Variants in SEM1 observed in about 807,000 individuals in gnomAD.
SEM1 encodes the protein 26S proteasome complex subunit SEM1.
A neutral mutation model predicts 12.7 loss-of-function variants in SEM1; 3 were observed. That is an observed-to-expected ratio of 0.24 (90% CI 0.11 to 0.61). SEM1 has a LOEUF of 0.61. Ranked by LOEUF, SEM1 falls within the 20% of genes least tolerant of loss-of-function variation. The pLI, the probability that SEM1 is intolerant of heterozygous loss-of-function variation, is 0.88. For missense variants in SEM1, 59 were observed against 81.3 expected (o/e 0.73, Z 1.06); for synonymous variants, 30 against 27.8 (o/e 1.08, Z -0.25).
chr7:96,603,793 T>C (rs1413448160), intron 2 of SEM1, among the ~76,000 whole-genome samples: 4 of 152,140 alleles, frequency 2.6e-5, no homozygotes, highest in Non-Finnish European at 1.5e-5. Flanking sequence ...TACATAAATG[T>C]GTTTAGGTAA....
chr7:96,641,225 AG>A (rs1351412987), intron 2 of SEM1, among the ~76,000 whole-genome samples: 11 of 151,970 alleles, frequency 7.2e-5, no homozygotes, highest in South Asian at 6.2e-4. Context: ...TCATAGTTTT[AG>A]CTGTATTTAT....
chr7:96,587,197 A>G (rs1417117772), intron 2 of SEM1, among the ~76,000 whole-genome samples: 1 of 152,208 alleles, frequency 6.6e-6, no homozygotes, highest in East Asian at 1.9e-4. Flanking sequence ...AGAAATGGTA[A>G]TGTTTAGGTA....
At chr7:96,683,886 G>A (rs1253835039), downstream of SEM1, among the ~76,000 whole-genome samples, 1 of 152,034 alleles carries the variant, frequency 6.6e-6, no homozygotes, top group Non-Finnish European at 1.5e-5. Context: ...AGGGGGTGGC[G>A]GACTAGGGGA....
At chr7:96,488,135 T>A (rs1269047963) in intron 1 of SEM1, among the ~76,000 whole-genome samples, 1 of 152,142 alleles carries the variant, frequency 6.6e-6, no homozygotes, top group African/African-American at 2.4e-5. Context: ...GAGCATGGTC[T>A]TCTTAATCCA....
intron 2 of SEM1, among the ~76,000 whole-genome samples, chr7:96,631,613 C>A (rs1448886849): frequency 6.6e-6 from 1 of 152,124 alleles, no homozygotes; most frequent in Non-Finnish European, 1.5e-5. Context: ...AGAAGAAAAC[C>A]TGGGCAATAC....
chr7:96,494,602 A>G (rs1803165283), intron 1 of SEM1, among the ~76,000 whole-genome samples: 1 of 152,186 alleles, frequency 6.6e-6, no homozygotes, highest in African/African-American at 2.4e-5. Context: ...CTCCTCTTAG[A>G]TTAGGACATG....
intron 2 of SEM1, among the ~76,000 whole-genome samples, chr7:96,616,804 T>C (rs1445776248): frequency 6.6e-6 from 1 of 152,132 alleles, no homozygotes; most frequent in East Asian, 1.9e-4. Context: ...TTGAATAGTA[T>C]GTCATATCAC....
intron 2 of SEM1, among the ~76,000 whole-genome samples, chr7:96,572,679 G>T (rs150375074): frequency 0.045 from 6,886 of 152,220 alleles, 222 homozygotes; most frequent in South Asian, 0.091. Context: ...TTTTGCATTT[G>T]CTGAGAAGTG....
chr7:96,597,092 T>A (rs139927549), intron 2 of SEM1, among the ~76,000 whole-genome samples: 1 of 152,316 alleles, frequency 6.6e-6, no homozygotes, highest in African/African-American at 2.4e-5. Context: ...ATCCTTGTAA[T>A]GCTATGGCTA....
At chr7:96,585,725 A>G (rs137856151) in intron 2 of SEM1, among the ~76,000 whole-genome samples, 4,072 of 141,800 alleles carry the variant, frequency 0.029, 169 homozygotes, top group African/African-American at 0.1. Flanking sequence ...GAGTGACCCG[A>G]TTTTCCAGGT....
chr7:96,623,499 T>G (rs1184536771), intron 2 of SEM1, among the ~76,000 whole-genome samples: 1 of 147,720 alleles, frequency 6.8e-6, no homozygotes, highest in Non-Finnish European at 1.5e-5. Context: ...AATAGATAAA[T>G]TTGTATAAAT....
At chr7:96,573,188 C>T (rs1280156013) in intron 2 of SEM1, among the ~76,000 whole-genome samples, 1 of 151,230 alleles carries the variant, frequency 6.6e-6, no homozygotes, top group African/African-American at 2.4e-5. Flanking sequence ...TGCCTTTGCA[C>T]ATGACATGTG....
At chr7:96,565,276 G>T (rs1584767754) in intron 2 of SEM1, among the ~76,000 whole-genome samples, 1 of 151,866 alleles carries the variant, frequency 6.6e-6, no homozygotes, top group East Asian at 1.9e-4. Context: ...TTTGGATTTT[G>T]GTGGAGAAAG....
intron 1 of SEM1, among the ~76,000 whole-genome samples, chr7:96,489,804 C>T (rs1429860563): frequency 1.3e-5 from 2 of 152,210 alleles, no homozygotes; most frequent in African/African-American, 4.8e-5. Flanking sequence ...TCCGCCTTCA[C>T]ATGCACATGG....
At chr7:96,607,017 T>C (rs999131197) in intron 2 of SEM1, among the ~76,000 whole-genome samples, 2 of 152,204 alleles carry the variant, frequency 1.3e-5, no homozygotes, top group African/African-American at 4.8e-5. Flanking sequence ...GGCACTAATT[T>C]ATGGTGTTTA....
intron 2 of SEM1, among the ~76,000 whole-genome samples, chr7:96,513,604 A>G (rs538098176): frequency 6.6e-6 from 1 of 151,984 alleles, no homozygotes; most frequent in African/African-American, 2.4e-5. Context: ...TGAGGTGGGC[A>G]GATCACTTGA....
intron 2 of SEM1, among the ~76,000 whole-genome samples, chr7:96,660,801 A>G (rs1227099711): frequency 6.6e-6 from 1 of 152,166 alleles, no homozygotes; most frequent in Non-Finnish European, 1.5e-5. Context: ...ATTTATGAAA[A>G]CTGACCAAAT....
chr7:96,557,754 T>G (rs897478478), intron 2 of SEM1, among the ~76,000 whole-genome samples: 4 of 151,420 alleles, frequency 2.6e-5, no homozygotes, highest in Admixed American at 2.0e-4. Flanking sequence ...GTTTACCTAA[T>G]CAAGCCTAGG....
chr7:96,660,391 A>C (rs957009238), intron 2 of SEM1, among the ~76,000 whole-genome samples: 1 of 152,302 alleles, frequency 6.6e-6, no homozygotes, highest in South Asian at 2.1e-4. Context: ...TTGATAGGTC[A>C]AAGAGATTTT....
Sources: allele counts gnomAD v4.1 joint callset (sites outside exome capture counted in the v4.1 genomes callset), GRCh38; gene constraint gnomAD v4.1.1; transcripts MANE v1.5; gene names NCBI Gene and HGNC (gene_info 2026-07-23, HGNC 2026-07-21).